The following SNX29 variants were observed in gnomAD, a reference collection of about 807,000 sequenced individuals.
SNX29 encodes sorting nexin 29, also known as sorting nexin-29.
Under a neutral mutation model 102.1 loss-of-function variants are expected in SNX29, and 78 were observed. The ratio of observed to expected loss-of-function variants is 0.76; its 90% CI spans 0.64 to 0.92. The LOEUF (loss-of-function observed/expected upper bound fraction) is 0.92. Ranked by LOEUF, SNX29 falls within the 40% of genes least tolerant of loss-of-function variation. The pLI is 0.00. For synonymous variants in SNX29, 580 were observed against 414.5 expected (o/e 1.40, Z -4.85); for missense variants, 1,280 against 1,061.7 (o/e 1.21, Z -2.86).
intron 14 of SNX29, among the ~76,000 whole-genome samples, chr16:12,211,678 G>T (rs1057391399): frequency 6.6e-6 from 1 of 152,160 alleles, no homozygotes; most frequent in Non-Finnish European, 1.5e-5. Context: ...CTCTAGGCTG[G>T]AGTCCAGAGA....
At chr16:12,536,264 GAC>G (rs1168791381) in intron 20 of SNX29, among the ~76,000 whole-genome samples, 4 of 152,126 alleles carry the variant, frequency 2.6e-5, no homozygotes, top group Non-Finnish European at 5.9e-5. Flanking sequence ...AACTTGCTGT[GAC>G]AGAGTTGAGG....
intron 13 of SNX29, among the ~76,000 whole-genome samples, chr16:12,136,732 T>TTTA (rs1555468599): frequency 6.6e-6 from 1 of 151,334 alleles, no homozygotes; most frequent in African/African-American, 2.4e-5. Flanking sequence ...AGGAAAGGTT[T>TTTA]TTGTTGTTAT....
At chr16:12,277,806 G>T (rs2079301819) in intron 14 of SNX29, 127 bp from the exon 15 acceptor site, 1 of 691,778 alleles carries the variant, frequency 1.4e-6, no homozygotes, top group East Asian at 2.8e-5. Flanking sequence ...AAGTGTGTGT[G>T]TGTGTTTTTC....
intron 14 of SNX29, among the ~76,000 whole-genome samples, chr16:12,238,978 A>G (rs2078019247): frequency 6.6e-6 from 1 of 152,158 alleles, no homozygotes; most frequent in African/African-American, 2.4e-5. Context: ...GGAAGGCCAA[A>G]AGGACTCTCC....
At chr16:12,117,086 CGTGGTCAAT>C (rs1422663553) in intron 11 of SNX29, among the ~76,000 whole-genome samples, 8 of 127,748 alleles carry the variant, frequency 6.3e-5, no homozygotes, top group East Asian at 2.5e-4. Context: ...TGGAAACAGG[CGTGGTCAAT>C]ACGTGCTTCA....
intron 15 of SNX29, among the ~76,000 whole-genome samples, chr16:12,285,320 C>T (rs2079559933): frequency 6.6e-6 from 1 of 152,172 alleles, no homozygotes; most frequent in South Asian, 2.1e-4. Flanking sequence ...TCAATATTGC[C>T]AGTCCATCCT....
chr16:12,193,163 TC>T (rs1303548996), intron 13 of SNX29, among the ~76,000 whole-genome samples: 2 of 152,228 alleles, frequency 1.3e-5, no homozygotes, highest in Non-Finnish European at 2.9e-5. Flanking sequence ...TGGAGTTTCA[TC>T]CAAGTTGTTG....
intron 14 of SNX29, among the ~76,000 whole-genome samples, chr16:12,209,936 G>C (rs1186019194): frequency 1.3e-5 from 2 of 152,226 alleles, no homozygotes; most frequent in East Asian, 3.8e-4. Flanking sequence ...CTGGCGGAAA[G>C]AGTGTGGGCT....
At position 12,572,288 on chromosome 16, in the gene SNX29, G is replaced by A; in HGVS notation, c.*3659G>A. 1 of 1,026,472 alleles carries A rather than the reference G, an allele frequency of 9.7e-7. No homozygotes were observed. Among genetic ancestry groups the A allele is most frequent in the African/African-American group, 2.1e-5 (1 of 48,728 alleles). 63.6% of individuals were successfully genotyped at this position (1,026,472 alleles called of 1,614,324 possible). ...TAGCTGATGCAACTAACAAGTACTG[G>A]GGCCAGTGATCACAATCCAGGTTGG... On this transcript the variant is annotated 3_prime_UTR_variant, in exon 21 of 21. Coordinates refer to ENST00000566228, the MANE Select transcript of SNX29 (RefSeq NM_032167.5).
At chr16:12,182,189 G>GTTTTTTTTTTTTTTTTTTTTTTT (rs67550670) in intron 13 of SNX29, among the ~76,000 whole-genome samples, 1 of 122,052 alleles carries the variant, frequency 8.2e-6, no homozygotes, top group African/African-American at 3.1e-5. Context: ...GCCCGGCCTA[G>GTTTTTTTTTTTTTTTTTTTTTTT]TTTTTTTTTT....
chr16:12,126,727 C>G, intron 12 of SNX29, 31 bp downstream of exon 12: 2 of 1,611,740 alleles, frequency 1.2e-6, no homozygotes, highest in East Asian at 2.2e-5. Context: ...GAGGAATAGC[C>G]TCTTTCTTTG....
chr16:12,013,303 C>G (rs1287215360), intron 3 of SNX29, among the ~76,000 whole-genome samples: 1 of 150,696 alleles, frequency 6.6e-6, no homozygotes, highest in Non-Finnish European at 1.5e-5. Flanking sequence ...AGTGAGCTGC[C>G]TACTTTTCAC....
At chr16:12,168,185 C>G (rs990547986) in intron 13 of SNX29, among the ~76,000 whole-genome samples, 1 of 152,182 alleles carries the variant, frequency 6.6e-6, no homozygotes, top group African/African-American at 2.4e-5. Context: ...GCAGCAAACA[C>G]AGGCAGCGAG....
chr16:12,445,938 G>A lies in SNX29; in HGVS notation c.2038-31781G>A, dbSNP rs556672233. Among the ~76,000 whole-genome samples the A allele has an allele frequency of 1.4e-4, 22 of 152,288 alleles. 1 individual carries two copies. Among genetic ancestry groups the A allele is most frequent in the African/African-American group, 4.6e-4 (19 of 41,558 alleles). ...CTAAGCTAGTAAATGTGTGTGAAAA[G>A]GGAGTGCATTCAAACCCAAGAGGTG... On this transcript the variant is annotated intron_variant, in intron 18 of 20. Coordinates refer to ENST00000566228, the MANE Select transcript of SNX29 (RefSeq NM_032167.5).
intron 13 of SNX29, among the ~76,000 whole-genome samples, chr16:12,196,063 C>T (rs1307450105): frequency 2.0e-5 from 3 of 150,464 alleles, no homozygotes; most frequent in Non-Finnish European, 4.4e-5. Flanking sequence ...GCAACCTCCA[C>T]CTCCCCGGCT....
At chr16:12,158,238 C>T (rs893456412) in intron 13 of SNX29, among the ~76,000 whole-genome samples, 2 of 152,062 alleles carry the variant, frequency 1.3e-5, no homozygotes, top group Non-Finnish European at 2.9e-5. Context: ...CTCGCTCTGG[C>T]ACCCAGGCTG....
intron 20 of SNX29, among the ~76,000 whole-genome samples, chr16:12,530,594 C>T (rs1406109253): frequency 2.0e-5 from 3 of 150,832 alleles, no homozygotes; most frequent in South Asian, 2.1e-4. Context: ...GCGCTCTTGT[C>T]GCCCAGGCTA....
At chr16:12,226,165 G>C (rs2077605833) in intron 14 of SNX29, among the ~76,000 whole-genome samples, 1 of 152,156 alleles carries the variant, frequency 6.6e-6, no homozygotes, top group Non-Finnish European at 1.5e-5. Context: ...TCTGAAAAGT[G>C]CTCTATGTGT....
intron 19 of SNX29, among the ~76,000 whole-genome samples, chr16:12,503,714 A>C (rs2089236087): frequency 6.6e-6 from 1 of 152,044 alleles, no homozygotes; most frequent in African/African-American, 2.4e-5. Flanking sequence ...TTTTCTGTGT[A>C]GGATTCACTG....
Sources: gnomAD v4.1 joint callset for allele counts (sites outside exome capture counted in the v4.1 genomes callset) on GRCh38, gnomAD v4.1.1 for gene constraint, MANE v1.5 for transcripts, NCBI Gene and HGNC (gene_info 2026-07-23, HGNC 2026-07-21) for gene names.